The following OC90 variants were observed in gnomAD, a reference collection of about 807,000 sequenced individuals.
OC90 encodes the protein otoconin 90.
A neutral mutation model predicts 47.3 loss-of-function variants in OC90; 46 were observed. The observed-to-expected ratio is 0.97, with a 90% CI of 0.77 to 1.24. OC90 has a LOEUF of 1.24. OC90 is among the 50% of genes most tolerant of loss of function. The probability of loss-of-function intolerance (pLI) is 0.00; values close to 1 mark genes in which losing one functional copy is unlikely to be tolerated. For missense variants in OC90, 688 were observed against 583.9 expected (o/e 1.18, Z -1.84); for synonymous variants, 271 against 219.5 (o/e 1.23, Z -2.07).
At chr8:132,027,582 G>A (rs1367679142) in intron 13 of OC90, among the ~76,000 whole-genome samples, 30 of 152,238 alleles carry the variant, frequency 2.0e-4, no homozygotes, top group Non-Finnish European at 5.9e-5. Flanking sequence ...TAAGGGAAAT[G>A]CATCCACCGA....
chr8:132,027,397 T>C (rs530748405), intron 13 of OC90, among the ~76,000 whole-genome samples: 17 of 152,316 alleles, frequency 1.1e-4, no homozygotes, highest in Admixed American at 6.5e-4. Context: ...TACCTGATCG[T>C]ACAAGGCAAG....
Position 132,033,052 on chromosome 8 carries a change from C to T in OC90, c.846G>A (p.Glu282=), listed in dbSNP as rs1822900719. 5 of 1,609,506 alleles carry T rather than the reference C, an allele frequency of 3.1e-6. No homozygotes were observed. The African/African-American group carries it at 6.7e-5, about 21-fold the overall frequency. The change falls in exon 11 of 14, where the codon GAG becomes GAA. Residue 282 remains glutamate (E), a synonymous_variant. Coordinates refer to ENST00000254627, the MANE Select transcript of OC90 (RefSeq NM_001080399.3). ...GCTTCTGCTCACCTTTTTCAGTGGT[C>T]TCCTCAGGATCATTTTCAACAGATG... The part of the protein sequence containing the change: ...AVSSVENDPE[E]TTEKACDRFT...
At chr8:132,052,361 G>A (rs1365409071) in intron 2 of OC90, among the ~76,000 whole-genome samples, 2 of 152,194 alleles carry the variant, frequency 1.3e-5, no homozygotes, top group Non-Finnish European at 2.9e-5. Context: ...GTAATAACCA[G>A]CAGCTAAGAA....
Position 132,037,435 on chromosome 8 carries a change from C to T in OC90, c.679+3G>A, listed in dbSNP as rs1282590631. On this transcript the variant is annotated splice_donor_region_variant and intron_variant, in intron 9 of 13. Transcript: ENST00000254627. Reference sequence around the variant, plus strand: ...GGTTCCACACTAGCCCCTTCTGGCTCACCTTCTCCTGAAAGGGCTGTCAGG... The same window carrying T: ...GGTTCCACACTAGCCCCTTCTGGCTTACCTTCTCCTGAAAGGGCTGTCAGG... The T allele has an allele frequency of 1.3e-6, 2 of 1,580,856 alleles. No homozygotes were observed. The highest frequency in any genetic ancestry group is 2.3e-5 in the East Asian group (1 of 43,574).
intron 11 of OC90, 55 bp from the exon 12 acceptor site, chr8:132,032,107 A>G: frequency 6.5e-7 from 1 of 1,544,314 alleles, no homozygotes; most frequent in Non-Finnish European, 8.9e-7. Context: ...AGCTGTCTCA[A>G]CAGGAAGGCC....
chr8:132,025,854 G>A (rs553593536), intron 13 of OC90, among the ~76,000 whole-genome samples: 7 of 152,332 alleles, frequency 4.6e-5, no homozygotes, highest in Non-Finnish European at 1.0e-4. Context: ...AGAGAACCCT[G>A]CTGACAGAGC....
chr8:132,028,598 G>C (rs1402037974), intron 13 of OC90, among the ~76,000 whole-genome samples: 1 of 27,532 alleles, frequency 3.6e-5, no homozygotes, highest in Non-Finnish European at 8.1e-5. Flanking sequence ...AAGGAAGGAA[G>C]GAGGGAAGGA....
intron 13 of OC90, among the ~76,000 whole-genome samples, chr8:132,027,046 T>A (rs1822770449): frequency 6.6e-6 from 1 of 152,128 alleles, no homozygotes; most frequent in African/African-American, 2.4e-5. Flanking sequence ...AGTATGGCCA[T>A]CTGGGAATGT....
intron 9 of OC90, 62 bp downstream of exon 9, chr8:132,037,376 T>C: frequency 2.2e-6 from 3 of 1,364,142 alleles, no homozygotes; most frequent in Non-Finnish European, 3.1e-6. Flanking sequence ...TTTAAACGTG[T>C]ATAGTCCCTC....
chr8:132,024,627 G>A lies in OC90; in HGVS notation c.1288C>T (p.His430Tyr), dbSNP rs781626829. Residue 430 changes from histidine (H) to tyrosine (Y), a missense_variant, in exon 14 of 14, where the codon CAC becomes TAC. His to Tyr is a moderately conservative substitution (Grantham distance 83). Coordinates refer to ENST00000254627, the MANE Select transcript of OC90 (RefSeq NM_001080399.3). ...AGGGTGGGGGCTGCGGGCACAGGGT[G>A]CAGGCTGTCTTCACAGGCTGCTGGC... ...GQPAACEDSL[H>Y]PVPAAPTLGS... is the part of the protein sequence containing the mutation. 1 of 1,613,608 alleles carries A rather than the reference G, an allele frequency of 6.2e-7. No individual in the cohort carries two copies. The highest frequency in any genetic ancestry group is 8.5e-7 in the Non-Finnish European group (1 of 1,179,746).
At chr8:132,031,751 G>T in intron 12 of OC90, 130 bp downstream of exon 12, 1 of 699,898 alleles carries the variant, frequency 1.4e-6, no homozygotes, top group Non-Finnish European at 2.4e-6. Flanking sequence ...ACCTGAGTGA[G>T]CTGCTGTGTG....
At chr8:132,024,863 TCTC>T (rs746232947) in intron 13 of OC90, 87 bp from the exon 14 acceptor site, 8 of 1,157,916 alleles carry the variant, frequency 6.9e-6, no homozygotes, top group Non-Finnish European at 8.5e-6. Context: ...CCTCAGCCCT[TCTC>T]CTTCCTCCCC....
intron 2 of OC90, among the ~76,000 whole-genome samples, chr8:132,046,981 G>A (rs184614712): frequency 4.7e-4 from 71 of 152,302 alleles, no homozygotes; most frequent in African/African-American, 1.7e-3. Context: ...ATTGTCCTGT[G>A]CATAGATATT....
At chr8:132,037,553 T>A (rs1196701841) in intron 8 of OC90, 65 bp from the exon 9 acceptor site, 1 of 1,435,234 alleles carries the variant, frequency 7.0e-7, no homozygotes, top group Non-Finnish European at 9.6e-7. Context: ...AAGCACAGGG[T>A]CTCAAAGGAA....
At chr8:132,056,548 C>A (rs550337624) in intron 1 of OC90, among the ~76,000 whole-genome samples, 1 of 152,184 alleles carries the variant, frequency 6.6e-6, no homozygotes, top group African/African-American at 2.4e-5. Flanking sequence ...ATTGGTGCAA[C>A]GCTCTGCTTA....
In OC90 at chr8:132,024,784, G is replaced by A. The variant is rs1464508929; in HGVS notation, c.1139-8C>T. 6 of 1,607,264 alleles carry A rather than the reference G, an allele frequency of 3.7e-6. No individual in the cohort carries two copies. Among genetic ancestry groups the A allele is most frequent in the Admixed American group, 1.7e-5 (1 of 59,640 alleles). ...ACAGGCTTTGGCCCCCACCTTAGAA[G>A]GAAAGAGCAGAGTAGAAGCCATGAG... On this transcript the variant is annotated splice_region_variant and splice_polypyrimidine_tract_variant and intron_variant, in intron 13 of 13. Transcript: ENST00000254627.
intron 8 of OC90, among the ~76,000 whole-genome samples, chr8:132,038,068 C>T (rs1175110182): frequency 6.6e-6 from 1 of 152,136 alleles, no homozygotes; most frequent in Admixed American, 6.5e-5. Flanking sequence ...GAAGGATGCC[C>T]TGCCAAGGTG....
At chr8:132,045,713 C>T (rs1352429543) in intron 3 of OC90, 105 bp downstream of exon 3, 2 of 667,024 alleles carry the variant, frequency 3.0e-6, no homozygotes, top group Non-Finnish European at 5.4e-6. Flanking sequence ...ACAAATGCCA[C>T]AGCAGTGAGT....
intron 13 of OC90, among the ~76,000 whole-genome samples, chr8:132,026,353 T>C (rs757107910): frequency 2.6e-5 from 4 of 152,226 alleles, no homozygotes; most frequent in Non-Finnish European, 5.9e-5. Flanking sequence ...TTTCCTATCA[T>C]ATACCACAGA....
Sources: allele counts gnomAD v4.1 joint callset (sites outside exome capture counted in the v4.1 genomes callset), GRCh38; gene constraint gnomAD v4.1.1; transcripts MANE v1.5; gene names NCBI Gene and HGNC (gene_info 2026-07-23, HGNC 2026-07-21).